PRKAG3: variants seen among roughly 807,000 people sequenced by gnomAD.
PRKAG3 encodes protein kinase AMP-activated non-catalytic subunit gamma 3, also known as 5'-AMP-activated protein kinase subunit gamma-3.
A neutral mutation model predicts 56.5 loss-of-function variants in PRKAG3; 39 were observed. The observed-to-expected ratio is 0.69, with a 90% CI of 0.53 to 0.90. PRKAG3 has a LOEUF of 0.90. Among genes scored for constraint, PRKAG3 ranks in the 40% least tolerant of loss-of-function variants. The pLI, the probability that PRKAG3 is intolerant of heterozygous loss-of-function variation, is 0.00. For synonymous variants in PRKAG3, 243 were observed against 250.1 expected (o/e 0.97, Z 0.27); for missense variants, 628 against 627.5 (o/e 1.00, Z -0.01).
intron 10 of PRKAG3, among the ~76,000 whole-genome samples, chr2:218,825,077 T>C (rs1034327354): frequency 3.9e-4 from 59 of 152,198 alleles, no homozygotes; most frequent in African/African-American, 1.2e-3. Context: ...ACATCAACTA[T>C]GAAAAATACA....
At position 218,828,500 on chromosome 2, in the gene PRKAG3, C is replaced by A. The variant is rs372250711; in HGVS notation, c.715+19G>T. 6.2e-7 allele frequency: 1 copy of A among 1,607,064 alleles called. No individual in the cohort carries two copies. The highest frequency in any genetic ancestry group is 8.5e-7 in the Non-Finnish European group (1 of 1,175,656). Reference sequence around the variant, plus strand: ...CCTCACCTCCTCCATCTCCCTTCACCTCCCCAGCCTCTCCTCACCCACAAA... The same window carrying A: ...CCTCACCTCCTCCATCTCCCTTCACATCCCCAGCCTCTCCTCACCCACAAA... On this transcript the variant is annotated intron_variant, in intron 5 of 12. Transcript: ENST00000529249.
downstream of PRKAG3, chr2:218,822,768 G>A (rs1158603052): frequency 5.5e-6 from 3 of 543,760 alleles, no homozygotes; most frequent in African/African-American, 2.1e-5. Context: ...GGGCAGTGGC[G>A]ACGTTGCTGG....
At chr2:218,830,188 G>A (rs577415062) in exon 4 of PRKAG3, 49 of 1,614,038 alleles carry the variant, frequency 3.0e-5, no homozygotes, top group Middle Eastern at 1.6e-4. Context: ...AGGCCTCTGT[G>A]GCTGGGAACT....
intron 5 of PRKAG3, among the ~76,000 whole-genome samples, 178 bp downstream of exon 5, chr2:218,828,341 C>A (rs1198159300): frequency 6.6e-6 from 1 of 152,188 alleles, no homozygotes; most frequent in Non-Finnish European, 1.5e-5. Flanking sequence ...GGAAATTGAG[C>A]CCCAGGGTCT....
In PRKAG3 at chr2:218,823,804, T is replaced by C. The variant is rs760414113; in HGVS notation, c.1428A>G (p.Ala476=). The change falls in exon 13 of 13, where the codon GCA becomes GCG. Residue 476 remains alanine (A), a synonymous_variant. Coordinates refer to ENST00000529249, the Ensembl canonical transcript of PRKAG3. Reference sequence around the variant, plus strand: ...CGATGCCAGCAGGGCTGAGCACCAGTGCCTGAAGGATGTCGGAGAGGGAGA... The same window carrying C: ...CGATGCCAGCAGGGCTGAGCACCAGCGCCTGAAGGATGTCGGAGAGGGAGA... The C allele has an allele frequency of 9.3e-6, 15 of 1,614,020 alleles. No homozygotes were observed. In the Admixed American group the frequency reaches 2.5e-4, roughly 27 times the overall value.
At chr2:218,831,436 T>C in intron 1 of PRKAG3, 61 bp from the exon 2 acceptor site, 1 of 1,454,080 alleles carries the variant, frequency 6.9e-7, no homozygotes, top group Non-Finnish European at 9.4e-7. Flanking sequence ...AAACCCCTTC[T>C]CCCTGAACAC....
rs1294908764 is a variant in PRKAG3 at position 218,828,288 on chromosome 2, G to A, written c.716-226C>T. ...CTATGGCACAGGGCCATGCAGTAGC[G>A]GAGGTGAAAGGTGTCAGCTGGTCAT... is the stretch of plus-strand genomic sequence containing the variant. On this transcript the variant is annotated intron_variant, in intron 5 of 12. Coordinates refer to ENST00000529249, the Ensembl canonical transcript of PRKAG3. Among the ~76,000 whole-genome samples the A allele has an allele frequency of 4.6e-5, 7 of 152,336 alleles. No homozygotes were observed. In the South Asian group the frequency reaches 1.2e-3, roughly 27 times the overall value.
In PRKAG3 at chr2:218,827,837, C is replaced by G. The variant is rs747406660; in HGVS notation, c.816G>C (p.Trp272Cys). ...CGGGTTCCTCTCCCCACTCACCCCT[C>G]CAGGTCTCAATCTTATGTTGTTCAA... The change falls in exon 7 of 13, where the codon TGG becomes TGC. Residue 272 changes from tryptophan to cysteine, a missense_variant. Physicochemically the swap from Trp to Cys is radical, Grantham distance 215. Transcript: ENST00000529249. The surrounding 1 kb of genome is among the most constrained non-coding windows in gnomAD (Gnocchi z 5.3). The G allele has an allele frequency of 8.7e-6, 14 of 1,613,962 alleles. No individual in the cohort carries two copies. Among genetic ancestry groups the G allele is most frequent in the Non-Finnish European group, 8.5e-6 (10 of 1,179,968 alleles).
At chr2:218,831,783 A>T in exon 1 of PRKAG3, 1 of 1,607,720 alleles carries the variant, frequency 6.2e-7, no homozygotes, top group Non-Finnish European at 8.5e-7. Flanking sequence ...GGCCAGCCCC[A>T]GACCAACTGA....
At chr2:218,823,670 TG>T (rs1943885957) in exon 13 of PRKAG3, 1 of 1,601,570 alleles carries the variant, frequency 6.2e-7, no homozygotes. Flanking sequence ...AACCAGCAAA[TG>T]GGGGTGGGGG....
chr2:218,827,428 T>A lies in PRKAG3; in HGVS notation c.876-55A>T. On this transcript the variant is annotated intron_variant, in intron 8 of 12. Coordinates refer to ENST00000529249, the Ensembl canonical transcript of PRKAG3. The surrounding 1 kb of genome is among the most constrained non-coding windows in gnomAD (Gnocchi z 5.3). ...GCAGCCTAGGGAGAGACAACCTCCA[T>A]CCCAGGCCCCTAAAAAGGAGGGCAG... 1 of 1,612,724 alleles carries A rather than the reference T, an allele frequency of 6.2e-7. No individual in the cohort carries two copies. The highest frequency in any genetic ancestry group is 8.5e-7 in the Non-Finnish European group (1 of 1,179,004).
At chr2:218,826,081 G>T (rs1308303292) in intron 10 of PRKAG3, among the ~76,000 whole-genome samples, 1 of 152,152 alleles carries the variant, frequency 6.6e-6, no homozygotes, top group Non-Finnish European at 1.5e-5. Context: ...GTTTTAAGAA[G>T]TGCAGACTAA....
rs144281244 is a variant in PRKAG3, at chr2:218,828,567, C to T, written c.667G>A (p.Gly223Ser). 90 of 1,613,782 alleles carry T rather than the reference C, an allele frequency of 5.6e-5. No individual in the cohort carries two copies. Among genetic ancestry groups the T allele is most frequent in the African/African-American group, 2.7e-4 (20 of 75,064 alleles). Residue 223 changes from glycine to serine, a missense_variant, in exon 5 of 13, where the codon GGT (glycine) becomes AGT (serine). Coordinates refer to ENST00000529249, the Ensembl canonical transcript of PRKAG3. ...TCCCATAGAGGGGCTGCCCGCACAC[C>T]GTTGGCCACCAGAGCAAAGAAGGCC...
chr2:218,829,325 CTTTT>C (rs200071537), intron 4 of PRKAG3, among the ~76,000 whole-genome samples: 1 of 143,114 alleles, frequency 7.0e-6, no homozygotes, highest in African/African-American at 2.6e-5. Context: ...TCTGTGATGC[CTTTT>C]TTTTTTTTTG....
chr2:218,823,215 G>A (rs1466471689), downstream of PRKAG3: 2 of 282,412 alleles, frequency 7.1e-6, no homozygotes, highest in Non-Finnish European at 1.1e-5. Flanking sequence ...GTGTGACCAG[G>A]AAAGAGTCTG....
At chr2:218,828,563 A>G (rs1943972036) in exon 5 of PRKAG3, 2 of 1,613,628 alleles carry the variant, frequency 1.2e-6, no homozygotes, top group South Asian at 2.2e-5. Context: ...GGCTGCCCGC[A>G]CACCGTTGGC....
At position 218,827,150 on chromosome 2, in the gene PRKAG3, C is replaced by T; in HGVS notation, c.1003-57G>A. 6.2e-7 allele frequency: 1 copy of T among 1,612,722 alleles called. No homozygotes were observed. Among genetic ancestry groups the T allele is most frequent in the Non-Finnish European group, 8.5e-7 (1 of 1,179,764 alleles). ...GGATCCAGCAGCTTCAAGAGGGCTC[C>T]CAGCTCTTCCCCACGACTGCTAGGG... On this transcript the variant is annotated intron_variant, in intron 9 of 12. Transcript: ENST00000529249. The surrounding 1 kb of genome is among the most constrained non-coding windows in gnomAD (Gnocchi z 5.3).
downstream of PRKAG3, chr2:218,823,089 GA>G (rs1307893978): frequency 1.1e-6 from 1 of 933,458 alleles, no homozygotes; most frequent in Non-Finnish European, 1.3e-6. Flanking sequence ...GTGGGGAAAA[GA>G]AAAGGGAAGA....
chr2:218,826,963 C>T (rs751365689), exon 10 of PRKAG3: 28 of 1,614,166 alleles, frequency 1.7e-5, no homozygotes, highest in South Asian at 4.4e-5. Flanking sequence ...AGACACACGC[C>T]GGTCCACAAA....
Sources: gnomAD v4.1 joint callset for allele counts (sites outside exome capture counted in the v4.1 genomes callset) on GRCh38, gnomAD v4.1.1 for gene constraint, Gnocchi (gnomAD v3.1) non-coding constraint, MANE v1.5 for transcripts, NCBI Gene and HGNC (gene_info 2026-07-23, HGNC 2026-07-21) for gene names.